Variants in CDH13 observed in about 807,000 individuals in gnomAD.
The protein encoded by CDH13 is cadherin 13, also known as cadherin-13.
A neutral mutation model predicts 63.8 loss-of-function variants in CDH13; 24 were observed. The ratio of observed to expected loss-of-function variants is 0.38; its 90% confidence interval spans 0.27 to 0.53. The LOEUF (loss-of-function observed/expected upper bound fraction) is 0.53, where lower values mean the gene tolerates loss of function less well. Ranked by LOEUF, CDH13 falls within the 20% of genes least tolerant of loss-of-function variation. CDH13 has a pLI of 0.85. For missense variants in CDH13, 1,049 were observed against 903.1 expected (o/e 1.16, Z -2.07); for synonymous variants, 503 against 355.3 (o/e 1.42, Z -4.67).
chr16:82,760,663 A>G (rs1164527282), intron 1 of CDH13, among the ~76,000 whole-genome samples: 2 of 152,154 alleles, frequency 1.3e-5, no homozygotes, highest in Non-Finnish European at 2.9e-5. Context: ...GCTATAAAGG[A>G]ATACCTGAGG....
intron 4 of CDH13, among the ~76,000 whole-genome samples, chr16:83,197,699 A>G (rs752886516): frequency 2.0e-5 from 3 of 152,128 alleles, no homozygotes; most frequent in Admixed American, 6.6e-5. Context: ...ATGGCCTTGT[A>G]TCTCAATGGT....
intron 5 of CDH13, among the ~76,000 whole-genome samples, chr16:83,271,653 C>T (rs2088821928): frequency 6.6e-6 from 1 of 151,764 alleles, no homozygotes; most frequent in African/African-American, 2.4e-5. Context: ...AAATAATTCA[C>T]AATACTCAAG....
chr16:83,486,711 C>T lies in CDH13; in HGVS notation c.960+56C>T. ...ACGAGAATAGAATGTGGCTTTCATG[C>T]AAGGGATGATGTGGGGCTCCAGTCA... On this transcript the variant is annotated intron_variant, in intron 7 of 13. Transcript: ENST00000567109. 5.2e-6 allele frequency: 8 copies of T among 1,529,038 alleles called. No homozygotes were observed. In the South Asian group the frequency reaches 8.0e-5, roughly 15 times the overall value. The allele number at this position is 1,529,038 out of a possible 1,614,324, so 94.7% of individuals were successfully genotyped here.
At chr16:83,042,602 G>A (rs752367263) in intron 3 of CDH13, among the ~76,000 whole-genome samples, 11 of 152,074 alleles carry the variant, frequency 7.2e-5, no homozygotes, top group Admixed American at 2.0e-4. Context: ...TCCCAAAACC[G>A]CCACCATGAA....
intron 7 of CDH13, among the ~76,000 whole-genome samples, chr16:83,524,046 G>A (rs1349757582): frequency 6.6e-6 from 1 of 152,182 alleles, no homozygotes; most frequent in Non-Finnish European, 1.5e-5. Flanking sequence ...TCCACCCACA[G>A]GAGATGAGCT....
At chr16:83,002,738 T>C (rs760969702) in intron 2 of CDH13, among the ~76,000 whole-genome samples, 1 of 152,112 alleles carries the variant, frequency 6.6e-6, no homozygotes, top group Non-Finnish European at 1.5e-5. Context: ...GTTCAGAGAC[T>C]GGGAGGAGGT....
rs570785228 is a variant in CDH13 at position 82,866,589 on chromosome 16, C to T, written c.157+8116C>T. Among the ~76,000 whole-genome samples the T allele has an allele frequency of 4.0e-5, 6 of 151,880 alleles. No homozygotes were observed. In the South Asian group the frequency reaches 6.3e-4, roughly 16 times the overall value. On this transcript the variant is annotated intron_variant, in intron 2 of 13. Transcript: ENST00000567109. ...AGTTTTAGTACAAAGAGGGTTTAAC[C>T]ATGCTGGCCAGACTGGTCTCGTATT... is the stretch of plus-strand genomic sequence containing the variant.
At chr16:83,346,160 G>A (rs572948834) in intron 6 of CDH13, among the ~76,000 whole-genome samples, 1 of 152,294 alleles carries the variant, frequency 6.6e-6, no homozygotes, top group African/African-American at 2.4e-5. Context: ...CAAATGCACT[G>A]CGTGTGTGCT....
At chr16:83,621,075 C>CGTA (rs2150777639) in intron 8 of CDH13, among the ~76,000 whole-genome samples, 1 of 152,280 alleles carries the variant, frequency 6.6e-6, no homozygotes, top group Non-Finnish European at 1.5e-5. Flanking sequence ...GTACCATGAT[C>CGTA]GTAATACCCC....
In CDH13 at chr16:83,241,958, T is replaced by C. The variant is rs117464878; in HGVS notation, c.636+24461T>C. 5.3e-3 allele frequency among the ~76,000 whole-genome samples: 813 copies of C among 152,274 alleles called. 45 individuals are homozygous for C. The East Asian group carries it at 0.13, about 25-fold the overall frequency. ...CCATTATGTTTTCCACTAGCAGTTG[T>C]ATAGTTTTAGGTCTCACATTTAGGT... On this transcript the variant is annotated intron_variant, in intron 5 of 13. Transcript: ENST00000567109.
At chr16:83,717,977 G>C (rs539700278) in intron 10 of CDH13, 1 of 152,326 alleles carries the variant, frequency 6.6e-6, no homozygotes, top group Admixed American at 6.5e-5. Context: ...TCTGGGCATT[G>C]GCCTCTGGAA....
chr16:83,374,604 A>G (rs532605076), intron 6 of CDH13, among the ~76,000 whole-genome samples: 13 of 152,314 alleles, frequency 8.5e-5, no homozygotes, highest in Non-Finnish European at 1.5e-4. Context: ...CCACTTCAGG[A>G]TATGAGAAGA....
chr16:83,322,723 G>A (rs981515024), intron 5 of CDH13, among the ~76,000 whole-genome samples: 1 of 152,040 alleles, frequency 6.6e-6, no homozygotes, highest in East Asian at 1.9e-4. Context: ...TTTTACTAAT[G>A]TATTCAGGTT....
rs867154547 is a variant in CDH13, at chr16:83,095,563, C to T, written c.367-29822C>T. Among the ~76,000 whole-genome samples the T allele has an allele frequency of 3.9e-5, 6 of 152,138 alleles. No individual in the cohort carries two copies. In the South Asian group the frequency reaches 1.0e-3, roughly 26 times the overall value. ...GTTATCTTTCTATGATTTTTCTAAC[C>T]CAATAGACTGTGAGTTCTTCAAGCT... On this transcript the variant is annotated intron_variant, in intron 3 of 13. Coordinates refer to ENST00000567109, the MANE Select transcript of CDH13 (RefSeq NM_001257.5).
intron 4 of CDH13, among the ~76,000 whole-genome samples, chr16:83,179,890 GTTTTT>G (rs11406184): frequency 6.8e-6 from 1 of 146,428 alleles, no homozygotes; most frequent in African/African-American, 2.5e-5. Context: ...AATAGGTTAA[GTTTTT>G]TTTTTTTTAA....
chr16:83,390,574 A>T lies in CDH13; in HGVS notation c.781+45568A>T, dbSNP rs181290566. On this transcript the variant is annotated intron_variant, in intron 6 of 13. Coordinates refer to ENST00000567109, the MANE Select transcript of CDH13 (RefSeq NM_001257.5). ...CACAGTGATCCTACTATCAACAGGA[A>T]CTGCTGTTTCTATTATCAACAAGAA... Among the ~76,000 whole-genome samples the T allele has an allele frequency of 3.9e-5, 6 of 152,182 alleles. No homozygotes were observed. In the East Asian group the frequency reaches 1.2e-3, roughly 29 times the overall value.
At chr16:83,580,504 C>CTCTT (rs1905483390) in intron 7 of CDH13, among the ~76,000 whole-genome samples, 1 of 112,922 alleles carries the variant, frequency 8.9e-6, no homozygotes, top group Non-Finnish European at 1.8e-5. Flanking sequence ...CTCTCTCTCT[C>CTCTT]TCTAAGTCAG....
At chr16:83,067,821 CTCTT>C (rs2032134002) in intron 3 of CDH13, among the ~76,000 whole-genome samples, 1 of 152,164 alleles carries the variant, frequency 6.6e-6, no homozygotes, top group South Asian at 2.1e-4. Context: ...TCCTGCCCCT[CTCTT>C]CTTCTCTCTG....
intron 3 of CDH13, among the ~76,000 whole-genome samples, chr16:83,062,717 G>T (rs2031669592): frequency 6.6e-6 from 1 of 152,180 alleles, no homozygotes. Context: ...CAAACTTAGA[G>T]ACTTGAAATA....
Sources: gnomAD v4.1 joint callset for allele counts (sites outside exome capture counted in the v4.1 genomes callset) on GRCh38, gnomAD v4.1.1 for gene constraint, MANE v1.5 for transcripts, NCBI Gene and HGNC (gene_info 2026-07-23, HGNC 2026-07-21) for gene names.